The following DLG1 variants were observed in gnomAD, a reference collection of about 807,000 sequenced individuals.
DLG1 encodes the protein discs large MAGUK scaffold protein 1.
Under a neutral mutation model 123.4 loss-of-function variants are expected in DLG1, and 42 were observed. The observed-to-expected ratio is 0.34, with a 90% CI of 0.27 to 0.44. The LOEUF (loss-of-function observed/expected upper bound fraction) is 0.44, where lower values mean the gene tolerates loss of function less well. DLG1 is among the 20% of genes least tolerant of loss of function. The pLI is 1.00. For missense variants in DLG1, 942 were observed against 1,082.6 expected (o/e 0.87, Z 1.82); for synonymous variants, 317 against 356.2 (o/e 0.89, Z 1.24).
chr3:197,161,435 C>T (rs1289974074), intron 5 of DLG1, among the ~76,000 whole-genome samples: 3 of 152,126 alleles, frequency 2.0e-5, no homozygotes, highest in Non-Finnish European at 4.4e-5. Flanking sequence ...CATTGTGTCC[C>T]ATTTCACAGA....
At chr3:197,155,272 T>C (rs551458206) in intron 5 of DLG1, among the ~76,000 whole-genome samples, 3 of 152,148 alleles carry the variant, frequency 2.0e-5, no homozygotes, top group East Asian at 1.9e-4. Flanking sequence ...TGGGTGGAAA[T>C]ACTCACTGCT....
At chr3:197,162,659 C>T (rs775342546) in intron 5 of DLG1, among the ~76,000 whole-genome samples, 1 of 152,080 alleles carries the variant, frequency 6.6e-6, no homozygotes, top group African/African-American at 2.4e-5. Context: ...TGGATATCCA[C>T]ATGCAAAAGA....
chr3:197,265,329 T>TA (rs576822329), intron 4 of DLG1, among the ~76,000 whole-genome samples: 11 of 151,068 alleles, frequency 7.3e-5, no homozygotes, highest in East Asian at 3.9e-4. Flanking sequence ...CATAATGGAA[T>TA]AAAAAAAAAG....
intron 4 of DLG1, among the ~76,000 whole-genome samples, chr3:197,273,520 G>T (rs1764881900): frequency 6.6e-6 from 1 of 152,104 alleles, no homozygotes; most frequent in Non-Finnish European, 1.5e-5. Flanking sequence ...TTACAGGCGT[G>T]AGCCACCGCA....
At position 197,208,145 on chromosome 3, in the gene DLG1, C is replaced by G. The variant is rs1275778915; in HGVS notation, c.319-13556G>C. Among the ~76,000 whole-genome samples the G allele has an allele frequency of 6.9e-5, 10 of 145,660 alleles. 2 individuals carry two copies. In the South Asian group the frequency reaches 2.6e-3, roughly 37 times the overall value. On this transcript the variant is annotated intron_variant, in intron 4 of 24. Coordinates refer to ENST00000667157, the MANE Select transcript of DLG1 (RefSeq NM_001366207.1). ...AAAAATCAAGTAATTCTTACATATACAAAAATATGTTTATCTACTACTCCC... is the reference window on the plus strand; with the variant it reads ...AAAAATCAAGTAATTCTTACATATAGAAAAATATGTTTATCTACTACTCCC...
chr3:197,142,803 A>G (rs369450270), intron 6 of DLG1, 35 bp from the exon 7 acceptor site: 3 of 1,583,352 alleles, frequency 1.9e-6, no homozygotes, highest in Middle Eastern at 1.7e-4. Flanking sequence ...CAGAAACTTC[A>G]GAGTGTAAAA....
At chr3:197,188,272 T>C (rs1411286324) in intron 5 of DLG1, among the ~76,000 whole-genome samples, 1 of 152,222 alleles carries the variant, frequency 6.6e-6, no homozygotes, top group African/African-American at 2.4e-5. Context: ...CTCCTCTGAC[T>C]TGGCATCTTA....
At chr3:197,063,052 T>TA (rs1409353291) in intron 22 of DLG1, among the ~76,000 whole-genome samples, 1 of 152,102 alleles carries the variant, frequency 6.6e-6, no homozygotes, top group Non-Finnish European at 1.5e-5. Context: ...ACCTACTAAT[T>TA]AGAGTTTTAT....
intron 4 of DLG1, among the ~76,000 whole-genome samples, chr3:197,231,708 A>AAG (rs1554034983): frequency 1.2e-4 from 17 of 144,146 alleles, no homozygotes; most frequent in Non-Finnish European, 2.3e-4. Flanking sequence ...AAAAAAAAAA[A>AAG]AACAACAAAA....
intron 18 of DLG1, among the ~76,000 whole-genome samples, chr3:197,074,939 AAAG>A (rs1475574082): frequency 4.6e-5 from 7 of 152,066 alleles, no homozygotes; most frequent in African/African-American, 1.7e-4. Context: ...AATGAATGAC[AAAG>A]AAGTTTTCAA....
At chr3:197,088,239 A>G (rs1022111571) in intron 15 of DLG1, among the ~76,000 whole-genome samples, 4 of 152,200 alleles carry the variant, frequency 2.6e-5, no homozygotes, top group Non-Finnish European at 5.9e-5. Flanking sequence ...ATAAAACACT[A>G]AAGAAAAAAC....
At chr3:197,188,778 TA>T (rs1717571327) in intron 5 of DLG1, among the ~76,000 whole-genome samples, 1 of 152,332 alleles carries the variant, frequency 6.6e-6, no homozygotes, top group African/African-American at 2.4e-5. Context: ...GTATTTTAAA[TA>T]AATTGTTGAG....
chr3:197,241,620 AC>A (rs1423171776), intron 4 of DLG1, among the ~76,000 whole-genome samples: 1 of 152,140 alleles, frequency 6.6e-6, no homozygotes, highest in African/African-American at 2.4e-5. Flanking sequence ...AGTTACAACA[AC>A]CTGTTAAGTG....
chr3:197,122,208 T>A (rs894242879), intron 11 of DLG1, among the ~76,000 whole-genome samples: 3 of 151,938 alleles, frequency 2.0e-5, no homozygotes, highest in Non-Finnish European at 1.5e-5. Context: ...ATTTATCACG[T>A]TAACAAAATA....
intron 10 of DLG1, among the ~76,000 whole-genome samples, chr3:197,132,056 T>C (rs1316681214): frequency 1.3e-5 from 2 of 152,174 alleles, no homozygotes; most frequent in African/African-American, 4.8e-5. Context: ...TTACTCATAA[T>C]AGTCTCTTGT....
intron 24 of DLG1, among the ~76,000 whole-genome samples, chr3:197,047,078 C>T (rs1011639592): frequency 1.3e-5 from 2 of 152,056 alleles, no homozygotes; most frequent in Non-Finnish European, 2.9e-5. Flanking sequence ...TGCACCAGAA[C>T]AGAAAAACCA....
chr3:197,057,733 C>T (rs1732773249), intron 23 of DLG1, among the ~76,000 whole-genome samples: 1 of 152,094 alleles, frequency 6.6e-6, no homozygotes, highest in African/African-American at 2.4e-5. Context: ...GTCCCTTTTC[C>T]TGTCAGGCTG....
At chr3:197,183,700 T>C in intron 5 of DLG1, 1 of 1,550,598 alleles carries the variant, frequency 6.4e-7, no homozygotes, top group Non-Finnish European at 8.7e-7. Flanking sequence ...GAGCCCTTTT[T>C]TGCCCAGTGT....
intron 4 of DLG1, among the ~76,000 whole-genome samples, chr3:197,264,172 G>A (rs1760723839): frequency 6.6e-6 from 1 of 152,106 alleles, no homozygotes; most frequent in African/African-American, 2.4e-5. Context: ...GATGTCTAGG[G>A]TCATCATAAC....
Sources: allele counts gnomAD v4.1 joint callset (sites outside exome capture counted in the v4.1 genomes callset), GRCh38; gene constraint gnomAD v4.1.1; transcripts MANE v1.5; gene names NCBI Gene and HGNC (gene_info 2026-07-23, HGNC 2026-07-21).